Variants in RAPGEF6 observed in about 807,000 individuals in gnomAD.
RAPGEF6 encodes the protein Rap guanine nucleotide exchange factor 6, also known as PDZ domain containing guanine nucleotide exchange factor (GEF) 2.
In RAPGEF6, 56 loss-of-function variants were observed where a neutral mutation model predicts 171.4. The ratio of observed to expected loss-of-function variants is 0.33; its 90% CI spans 0.26 to 0.41. The LOEUF (loss-of-function observed/expected upper bound fraction) is 0.41. RAPGEF6 is among the 10% of genes least tolerant of loss of function. RAPGEF6 has a pLI of 1.00. For synonymous variants in RAPGEF6, 692 were observed against 650.1 expected (o/e 1.06, Z -0.98); for missense variants, 1,674 against 1,921.4 (o/e 0.87, Z 2.41).
intron 11 of RAPGEF6, among the ~76,000 whole-genome samples, chr5:131,500,177 G>A (rs534790034): frequency 1.2e-3 from 187 of 152,278 alleles, no homozygotes; most frequent in African/African-American, 4.3e-3. Context: ...GATTACAGGC[G>A]TGAGCCACTG....
chr5:131,583,726 C>T (rs1427495184), intron 4 of RAPGEF6, among the ~76,000 whole-genome samples: 1 of 152,184 alleles, frequency 6.6e-6, no homozygotes, highest in African/African-American at 2.4e-5. Flanking sequence ...GGGCCACTTA[C>T]TCAAGGCTTC....
intron 4 of RAPGEF6, among the ~76,000 whole-genome samples, chr5:131,565,094 T>C (rs555548789): frequency 3.9e-5 from 6 of 152,186 alleles, no homozygotes; most frequent in Non-Finnish European, 8.8e-5. Flanking sequence ...CTCAACTATT[T>C]GAGTTCCTAG....
Position 131,570,699 on chromosome 5 carries a change from C to T in RAPGEF6, c.282-8652G>A, listed in dbSNP as rs190388319. Among the ~76,000 whole-genome samples, 118 of 152,088 alleles carry T rather than the reference C, an allele frequency of 7.8e-4. 1 individual carries two copies. The highest frequency in any genetic ancestry group is 3.4e-3 in the Middle Eastern group (1 of 294). ...AAAAAAACTAGATTAAAAAACTATA[C>T]AACATATTCCATTTACATAAAATAG... On this transcript the variant is annotated intron_variant, in intron 4 of 27. Coordinates refer to ENST00000509018, the MANE Select transcript of RAPGEF6 (RefSeq NM_016340.6).
chr5:131,484,996 A>G (rs924995091), intron 15 of RAPGEF6, among the ~76,000 whole-genome samples: 1 of 152,126 alleles, frequency 6.6e-6, no homozygotes, highest in Non-Finnish European at 1.5e-5. Flanking sequence ...ACACAATCAC[A>G]GCTCATTATA....
chr5:131,551,762 G>A (rs148419177), intron 5 of RAPGEF6, among the ~76,000 whole-genome samples: 2,910 of 152,060 alleles, frequency 0.019, 45 homozygotes, highest in Middle Eastern at 0.078. Flanking sequence ...TTAAGAAAAG[G>A]CTTTCTAAGT....
chr5:131,600,614 G>C (rs1450435478), intron 3 of RAPGEF6, among the ~76,000 whole-genome samples: 3 of 149,064 alleles, frequency 2.0e-5, no homozygotes, highest in African/African-American at 7.4e-5. Context: ...GGGGAGAGAA[G>C]AGGAGAGAAG....
At chr5:131,492,852 G>T in intron 13 of RAPGEF6, 67 bp from the exon 14 acceptor site, 1 of 1,415,884 alleles carries the variant, frequency 7.1e-7, no homozygotes, top group Admixed American at 1.9e-5. Context: ...AAAAGTCAAC[G>T]AAAATTATTA....
At chr5:131,429,822 G>A (rs1250267443) in intron 26 of RAPGEF6, among the ~76,000 whole-genome samples, 1 of 152,140 alleles carries the variant, frequency 6.6e-6, no homozygotes, top group African/African-American at 2.4e-5. Context: ...GGAGGCCGAA[G>A]TGGGTGGATC....
chr5:131,575,481 A>G (rs978485917), intron 4 of RAPGEF6, among the ~76,000 whole-genome samples: 8 of 152,140 alleles, frequency 5.3e-5, no homozygotes, highest in African/African-American at 1.9e-4. Context: ...TCATCAAAAC[A>G]CAAGTGCTCT....
chr5:131,435,386 A>G (rs897462546), intron 24 of RAPGEF6, among the ~76,000 whole-genome samples: 1 of 152,246 alleles, frequency 6.6e-6, no homozygotes, highest in Non-Finnish European at 1.5e-5. Flanking sequence ...AAAATAAATA[A>G]AAACCTTCTT....
chr5:131,583,272 T>G (rs1379285223), intron 4 of RAPGEF6, among the ~76,000 whole-genome samples: 1 of 152,168 alleles, frequency 6.6e-6, no homozygotes, highest in Non-Finnish European at 1.5e-5. Flanking sequence ...CCTTGTTATA[T>G]CCCCTCCATT....
intron 3 of RAPGEF6, among the ~76,000 whole-genome samples, chr5:131,597,058 C>T (rs1454141411): frequency 6.6e-5 from 10 of 151,800 alleles, no homozygotes. Context: ...TAAAAATGGG[C>T]AAAATAGCTC....
chr5:131,550,234 G>C (rs1760835209), intron 5 of RAPGEF6, among the ~76,000 whole-genome samples: 1 of 151,854 alleles, frequency 6.6e-6, no homozygotes, highest in Admixed American at 6.6e-5. Flanking sequence ...TATCCTGCAG[G>C]GTCAAACAAA....
intron 18 of RAPGEF6, 29 bp from the exon 19 acceptor site, chr5:131,462,117 GT>G: frequency 7.2e-7 from 1 of 1,394,396 alleles, no homozygotes; most frequent in Non-Finnish European, 9.4e-7. Context: ...TTAAATAAAT[GT>G]ATTCATAAAT....
At chr5:131,562,620 C>T (rs1171144025) in intron 4 of RAPGEF6, among the ~76,000 whole-genome samples, 2 of 152,180 alleles carry the variant, frequency 1.3e-5, no homozygotes, top group Non-Finnish European at 2.9e-5. Flanking sequence ...TGCATATAAC[C>T]TATGTGCATC....
intron 12 of RAPGEF6, among the ~76,000 whole-genome samples, chr5:131,497,302 T>C (rs1756701234): frequency 6.6e-6 from 1 of 152,236 alleles, no homozygotes; most frequent in African/African-American, 2.4e-5. Context: ...TTTCTCTTAT[T>C]CTGTGCATTG....
chr5:131,550,088 C>G (rs968950488), intron 5 of RAPGEF6, among the ~76,000 whole-genome samples: 1 of 152,164 alleles, frequency 6.6e-6, no homozygotes, highest in African/African-American at 2.4e-5. Context: ...CTCAGATTGT[C>G]AGTTCTCTAT....
chr5:131,611,715 C>T (rs191196020), intron 1 of RAPGEF6, among the ~76,000 whole-genome samples: 2 of 152,118 alleles, frequency 1.3e-5, no homozygotes, highest in East Asian at 1.9e-4. Flanking sequence ...TGGTTTATTG[C>T]TGGTTTACAT....
At chr5:131,478,232 A>G (rs868807144) in intron 16 of RAPGEF6, among the ~76,000 whole-genome samples, 1 of 152,098 alleles carries the variant, frequency 6.6e-6, no homozygotes, top group Non-Finnish European at 1.5e-5. Context: ...GATTGGAAAA[A>G]CTTCGAGATT....
Sources: allele counts gnomAD v4.1 joint callset (sites outside exome capture counted in the v4.1 genomes callset), GRCh38; gene constraint gnomAD v4.1.1; transcripts MANE v1.5; gene names NCBI Gene and HGNC (gene_info 2026-07-23, HGNC 2026-07-21).